The following IFI27 variants were observed in gnomAD, a reference collection of about 807,000 sequenced individuals.
The protein encoded by IFI27 is interferon alpha inducible protein 27.
IFI27 carries 3 observed loss-of-function variants against 8.9 expected under a neutral mutation model. The observed-to-expected ratio is 0.34, with a 90% CI of 0.15 to 0.87. IFI27 has a LOEUF of 0.87. Among genes scored for constraint, IFI27 ranks in the 40% least tolerant of loss-of-function variants. IFI27 has a pLI of 0.51. For missense variants in IFI27, 152 were observed against 157.7 expected (o/e 0.96, Z 0.19); for synonymous variants, 66 against 67.3 (o/e 0.98, Z 0.09).
chr14:94,107,484 C>G (rs1887031479), upstream of IFI27, among the ~76,000 whole-genome samples: 1 of 152,074 alleles, frequency 6.6e-6, no homozygotes, highest in South Asian at 2.1e-4. Context: ...AATAATTTCC[C>G]CTATGTTTTC....
intron 2 of IFI27, chr14:94,112,099 G>A (rs769306241): frequency 8.2e-5 from 36 of 440,714 alleles, no homozygotes; most frequent in Non-Finnish European, 1.4e-4. Flanking sequence ...TTCACCATCA[G>A]AATTCATCTC....
Position 94,111,833 on chromosome 14 carries a change from G to A in IFI27, c.91+60G>A, listed in dbSNP as rs568750988. On this transcript the variant is annotated intron_variant, in intron 2 of 4. Transcript: ENST00000621160. This position sits in a 1 kb window ranked among gnomAD's most constrained non-coding sequence, Gnocchi z 4.3. Reference sequence around the variant, plus strand: ...GAGGAGGCGGCTGGGAAGGGCGGGGGTCCTGTCCCGGGACCCGTGGGAGAG... The same window carrying A: ...GAGGAGGCGGCTGGGAAGGGCGGGGATCCTGTCCCGGGACCCGTGGGAGAG... The A allele has an allele frequency of 6.1e-6, 8 of 1,302,538 alleles. No individual in the cohort carries two copies. The East Asian group carries it at 9.2e-5, about 15-fold the overall frequency. The allele number at this position is 1,302,538 out of a possible 1,614,324, so 80.7% of individuals were successfully genotyped here.
Position 94,111,478 on chromosome 14 carries a change from T to A in IFI27, c.-58-147T>A. 5.4e-6 allele frequency: 3 copies of A among 553,396 alleles called. No individual in the cohort carries two copies. Among genetic ancestry groups the A allele is most frequent in the East Asian group, 6.0e-5 (2 of 33,116 alleles). 34.3% of individuals were successfully genotyped at this position (553,396 alleles called of 1,614,324 possible). On this transcript the variant is annotated intron_variant, in intron 1 of 4. Coordinates refer to ENST00000621160, the Ensembl canonical transcript of IFI27. This position sits in a 1 kb window ranked among gnomAD's most constrained non-coding sequence, Gnocchi z 4.3. ...CAACTCCCCAACATCCCTCCCTCCC[T>A]CACCCCAGGATCCTTTCAAGGCCTG...
Position 94,110,906 on chromosome 14 carries a change from G to A in IFI27, c.-59+109G>A, listed in dbSNP as rs185177063. 2.4e-3 allele frequency: 367 copies of A among 154,480 alleles called. 9 individuals carry two copies. The South Asian group carries it at 0.049, about 21-fold the overall frequency. 9.6% of individuals were successfully genotyped at this position (154,480 alleles called of 1,614,324 possible). ...GGCCTTAAGCATCCACTCTCTGCCC[G>A]GTGTTTTTGTTCTCATCAGGGAGCC... On this transcript the variant is annotated intron_variant, in intron 1 of 4. Transcript: ENST00000621160.
In IFI27 at chr14:94,111,882, T is replaced by C. The variant is rs1887205717; in HGVS notation, c.91+109T>C. On this transcript the variant is annotated intron_variant, in intron 2 of 4. Coordinates refer to ENST00000621160, the Ensembl canonical transcript of IFI27. The surrounding 1 kb of genome is among the most constrained non-coding windows in gnomAD (Gnocchi z 4.3). ...AGAAAATGGGGGACACCCGCAGCCT[T>C]GCTGCCCTGTCCTGTCTTCTCACAG... 7 of 864,884 alleles carry C rather than the reference T, an allele frequency of 8.1e-6. No individual in the cohort carries two copies. The highest frequency in any genetic ancestry group is 1.9e-6 in the Non-Finnish European group (1 of 514,228). The allele number at this position is 864,884 out of a possible 1,614,324, so 53.6% of individuals were successfully genotyped here. A position where few individuals can be genotyped will look rare whatever the true frequency, so the allele number is the denominator to read the frequency against.
intron 3 of IFI27, chr14:94,115,480 A>G (rs1039552487): frequency 9.8e-6 from 6 of 613,036 alleles, no homozygotes; most frequent in African/African-American, 1.8e-5. Flanking sequence ...CCCCTGGTCC[A>G]GCATTTGGCC....
upstream of IFI27, among the ~76,000 whole-genome samples, chr14:94,109,840 A>G (rs530665411): frequency 6.6e-6 from 1 of 152,346 alleles, no homozygotes; most frequent in Non-Finnish European, 1.5e-5. Context: ...TGTACATTCC[A>G]GGACCTGGTG....
At chr14:94,115,827 C>T (rs1241551224) in exon 4 of IFI27, 5 of 1,606,832 alleles carry the variant, frequency 3.1e-6, no homozygotes, top group Non-Finnish European at 3.4e-6. Context: ...CCATGGGCTT[C>T]ACTGCGGCGG....
At chr14:94,107,051 A>T (rs978968269), upstream of IFI27, among the ~76,000 whole-genome samples, 1 of 151,938 alleles carries the variant, frequency 6.6e-6, no homozygotes, top group Admixed American at 6.6e-5. Flanking sequence ...TGCCCATTTT[A>T]TTTATATATA....
chr14:94,110,356 T>C (rs1412878499), upstream of IFI27, among the ~76,000 whole-genome samples: 1 of 152,244 alleles, frequency 6.6e-6, no homozygotes, highest in Non-Finnish European at 1.5e-5. Flanking sequence ...GTTGAGACTT[T>C]TTTTGAAAAA....
chr14:94,108,058 A>G (rs1188603506), upstream of IFI27, among the ~76,000 whole-genome samples: 1 of 152,122 alleles, frequency 6.6e-6, no homozygotes, highest in African/African-American at 2.4e-5. Context: ...CTCATTGTTC[A>G]ACTCCCACTT....
In IFI27 at chr14:94,111,739, G is replaced by C; in HGVS notation, c.57G>C (p.Arg19Ser). Residue 19 changes from arginine to serine, a missense_variant, in exon 2 of 5, where the codon AGG becomes AGC. Physicochemically the swap from Arg to Ser is moderately radical, Grantham distance 110. Transcript: ENST00000621160. This position sits in a 1 kb window ranked among gnomAD's most constrained non-coding sequence, Gnocchi z 4.3. ...TGACCAGTGTGGCCAAAGTGGTCAG[G>C]GTGGCCTCTGGCTCTGCCGTAGTTT... 2 of 1,614,202 alleles carry C rather than the reference G, an allele frequency of 1.2e-6. No homozygotes were observed. Among genetic ancestry groups the C allele is most frequent in the Non-Finnish European group, 8.5e-7 (1 of 1,180,002 alleles).
chr14:94,113,285 C>A (rs1227482880), intron 2 of IFI27: 1 of 152,224 alleles, frequency 6.6e-6, no homozygotes, highest in Non-Finnish European at 1.5e-5. Flanking sequence ...GCGGATCACT[C>A]GAGGTCAGGA....
chr14:94,115,790 T>G, exon 4 of IFI27: 1 of 641,890 alleles, frequency 1.6e-6, no homozygotes, highest in Non-Finnish European at 2.2e-6. Context: ...GTTGTGGCCA[T>G]GGCGGCTGTG....
chr14:94,115,677 T>C, intron 3 of IFI27, 104 bp from the exon 4 acceptor site: 1 of 1,211,930 alleles, frequency 8.3e-7, no homozygotes, highest in South Asian at 1.4e-5. Flanking sequence ...AAGCTCAAAG[T>C]TCACCTCTTT....
At chr14:94,115,711 A>G (rs1887363846) in intron 3 of IFI27, 70 bp from the exon 4 acceptor site, 1 of 1,498,878 alleles carries the variant, frequency 6.7e-7, no homozygotes, top group Non-Finnish European at 9.0e-7. Context: ...GGGGTCCCCA[A>G]GCCTGACTCA....
chr14:94,114,613 T>C, intron 2 of IFI27: 1 of 558,626 alleles, frequency 1.8e-6, no homozygotes, highest in South Asian at 2.6e-5. Flanking sequence ...ATCAACTAGG[T>C]CAGGGCCACG....
intron 2 of IFI27, chr14:94,112,714 A>C (rs1001524563): frequency 6.6e-6 from 1 of 152,644 alleles, no homozygotes; most frequent in Non-Finnish European, 1.5e-5. Context: ...AGCTGCCCTG[A>C]GCCCCAACAT....
intron 4 of IFI27, 58 bp downstream of exon 4, chr14:94,116,000 G>A (rs1887393415): frequency 6.7e-7 from 1 of 1,486,746 alleles, no homozygotes; most frequent in Admixed American, 2.0e-5. Flanking sequence ...GAGCCTCCAA[G>A]GACCCAGTCC....
Sources: gnomAD v4.1 joint callset for allele counts (sites outside exome capture counted in the v4.1 genomes callset) on GRCh38, gnomAD v4.1.1 for gene constraint, Gnocchi (gnomAD v3.1) non-coding constraint, MANE v1.5 for transcripts, NCBI Gene and HGNC (gene_info 2026-07-23, HGNC 2026-07-21) for gene names.